The following ROBO1 variants were observed in gnomAD, a reference collection of about 807,000 sequenced individuals.
ROBO1 encodes the protein roundabout homolog 1.
Under a neutral mutation model 195.9 loss-of-function variants are expected in ROBO1, and 149 were observed. The ratio of observed to expected loss-of-function variants is 0.76; its 90% CI spans 0.67 to 0.87. The LOEUF is 0.87. Ranked by LOEUF, ROBO1 falls within the 40% of genes least tolerant of loss-of-function variation. The pLI is 0.00. For missense variants in ROBO1, 1,933 were observed against 2,068.3 expected, an observed-to-expected ratio of 0.93 and a Z score of 1.27; for synonymous variants, 816 against 733.2, an observed-to-expected ratio of 1.11 and a Z score of -1.82.
At chr3:79,357,371 G>A (rs2035598992) in intron 2 of ROBO1, among the ~76,000 whole-genome samples, 1 of 152,104 alleles carries the variant, frequency 6.6e-6, no homozygotes, top group Non-Finnish European at 1.5e-5. Flanking sequence ...ATGAGCAACT[G>A]CAGTATGCGT....
At chr3:79,332,956 C>A (rs1172114056) in intron 2 of ROBO1, among the ~76,000 whole-genome samples, 1 of 152,026 alleles carries the variant, frequency 6.6e-6, no homozygotes, top group Non-Finnish European at 1.5e-5. Context: ...AATCCCAGCA[C>A]GTTGGGAGTC....
intron 8 of ROBO1, among the ~76,000 whole-genome samples, chr3:78,699,395 CA>C (rs60574193): frequency 0.26 from 21,956 of 82,994 alleles, 1,880 homozygotes; most frequent in African/African-American, 0.35. Context: ...ACTAAAAATA[CA>C]AAAAAAAAAA....
intron 2 of ROBO1, among the ~76,000 whole-genome samples, chr3:79,187,456 G>A (rs1481056929): frequency 6.6e-6 from 1 of 151,990 alleles, no homozygotes; most frequent in Non-Finnish European, 1.5e-5. Context: ...TCTAAAGCAT[G>A]ATCATTTCTA....
At chr3:79,040,047 A>G (rs1256000077) in intron 3 of ROBO1, among the ~76,000 whole-genome samples, 1 of 152,146 alleles carries the variant, frequency 6.6e-6, no homozygotes, top group Non-Finnish European at 1.5e-5. Context: ...TTTAAGTTAG[A>G]TTGATATTAA....
At chr3:79,709,647 A>G (rs1381653178) in intron 1 of ROBO1, among the ~76,000 whole-genome samples, 3 of 151,302 alleles carry the variant, frequency 2.0e-5, no homozygotes, top group African/African-American at 7.4e-5. Flanking sequence ...TGGATGTCAC[A>G]ATAACTACAT....
At chr3:79,719,721 C>G (rs1702623064) in intron 1 of ROBO1, among the ~76,000 whole-genome samples, 1 of 151,848 alleles carries the variant, frequency 6.6e-6, no homozygotes, top group Non-Finnish European at 1.5e-5. Flanking sequence ...AAAAAAACAG[C>G]ATTATAATAA....
intron 4 of ROBO1, among the ~76,000 whole-genome samples, chr3:78,888,508 A>C (rs1397025903): frequency 6.6e-6 from 1 of 152,248 alleles, no homozygotes; most frequent in Non-Finnish European, 1.5e-5. Flanking sequence ...TTCTTGCTCG[A>C]AATACACACA....
intron 2 of ROBO1, among the ~76,000 whole-genome samples, chr3:79,286,123 C>G (rs540297771): frequency 6.6e-6 from 1 of 152,156 alleles, no homozygotes; most frequent in Non-Finnish European, 1.5e-5. Flanking sequence ...TCAATAAACA[C>G]GTCCCAAAGT....
intron 1 of ROBO1, among the ~76,000 whole-genome samples, chr3:79,649,479 A>C (rs549191813): frequency 5.9e-5 from 9 of 152,236 alleles, no homozygotes; most frequent in African/African-American, 2.2e-4. Flanking sequence ...TTAGCCCAAA[A>C]TATCCATATT....
intron 4 of ROBO1, among the ~76,000 whole-genome samples, chr3:78,821,783 C>A (rs1176248779): frequency 6.6e-6 from 1 of 152,038 alleles, no homozygotes; most frequent in Non-Finnish European, 1.5e-5. Flanking sequence ...TTCCTTTCAA[C>A]AAACTTTTAC....
chr3:79,660,541 T>C (rs1249809124), intron 1 of ROBO1, among the ~76,000 whole-genome samples: 1 of 152,076 alleles, frequency 6.6e-6, no homozygotes, highest in East Asian at 1.9e-4. Context: ...ACAATTTCAC[T>C]AGGAACCCAA....
chr3:79,200,855 GCT>G (rs1357545663), intron 2 of ROBO1, among the ~76,000 whole-genome samples: 3 of 151,880 alleles, frequency 2.0e-5, no homozygotes, highest in Non-Finnish European at 4.4e-5. Flanking sequence ...TAAATGCTTA[GCT>G]CTCAGGAAAA....
chr3:78,714,302 A>T lies in ROBO1; in HGVS notation c.1045+95T>A, dbSNP rs573869303. ...ATTTAGAGCAATACTTAAAGTCTAT[A>T]TGTAACATAGCCCTATACATAATAT... is the stretch of plus-strand genomic sequence containing the variant. On this transcript the variant is annotated intron_variant, in intron 8 of 30. Coordinates refer to ENST00000464233, the MANE Select transcript of ROBO1 (RefSeq NM_002941.4). 115 of 1,235,038 alleles carry T rather than the reference A, an allele frequency of 9.3e-5. No homozygotes were observed. In the East Asian group the frequency reaches 2.6e-3, roughly 28 times the overall value. 76.5% of individuals were successfully genotyped at this position (1,235,038 alleles called of 1,614,324 possible). A position where few individuals can be genotyped will look rare whatever the true frequency, so the allele number is the denominator to read the frequency against.
chr3:78,926,151 G>A (rs1258290790), intron 4 of ROBO1, among the ~76,000 whole-genome samples: 1 of 152,066 alleles, frequency 6.6e-6, no homozygotes, highest in East Asian at 1.9e-4. Flanking sequence ...TTATAGGCGT[G>A]AGCCACCACA....
intron 1 of ROBO1, among the ~76,000 whole-genome samples, chr3:79,728,275 C>T (rs1272005678): frequency 1.3e-5 from 2 of 151,952 alleles, no homozygotes; most frequent in Non-Finnish European, 2.9e-5. Context: ...AGGTATCTCA[C>T]CTTTTGGTAG....
intron 2 of ROBO1, among the ~76,000 whole-genome samples, chr3:79,444,554 A>G (rs1006683575): frequency 3.3e-5 from 5 of 152,172 alleles, no homozygotes; most frequent in Admixed American, 1.3e-4. Context: ...TTTTCATTGC[A>G]TATGGAATTG....
intron 5 of ROBO1, among the ~76,000 whole-genome samples, chr3:78,742,687 T>A (rs2082561473): frequency 6.6e-6 from 1 of 152,224 alleles, no homozygotes; most frequent in African/African-American, 2.4e-5. Flanking sequence ...TCCTAGCATA[T>A]GGAACACCAT....
intron 5 of ROBO1, among the ~76,000 whole-genome samples, chr3:78,731,764 T>C (rs547245713): frequency 3.3e-5 from 5 of 152,258 alleles, no homozygotes; most frequent in South Asian, 2.1e-4. Context: ...GGTGTTTCTA[T>C]AGAAATTTTA....
chr3:79,135,263 G>T (rs2080382511), intron 2 of ROBO1, among the ~76,000 whole-genome samples: 1 of 152,000 alleles, frequency 6.6e-6, no homozygotes, highest in Non-Finnish European at 1.5e-5. Context: ...TCACCCCAGA[G>T]GGTATTTGCT....
Sources: gnomAD v4.1 joint callset for allele counts (sites outside exome capture counted in the v4.1 genomes callset) on GRCh38, gnomAD v4.1.1 for gene constraint, MANE v1.5 for transcripts, NCBI Gene and HGNC (gene_info 2026-07-23, HGNC 2026-07-21) for gene names.